Variants in INTS6 observed in about 807,000 individuals in gnomAD.
INTS6 encodes the protein DEAD box protein.
A neutral mutation model predicts 104.9 loss-of-function variants in INTS6; 16 were observed. That is an observed-to-expected ratio of 0.15 (90% CI 0.10 to 0.23). The LOEUF is 0.23. INTS6 is among the 10% of genes least tolerant of loss of function. The pLI is 1.00. For missense variants in INTS6, 584 were observed against 1,062.8 expected, an observed-to-expected ratio of 0.55 and a Z score of 6.26; for synonymous variants, 324 against 358.7, an observed-to-expected ratio of 0.90 and a Z score of 1.09.
chr13:51,388,233 C>A (rs1470402700), intron 6 of INTS6, among the ~76,000 whole-genome samples: 1 of 152,112 alleles, frequency 6.6e-6, no homozygotes, highest in Non-Finnish European at 1.5e-5. Context: ...ATCACCCATT[C>A]CTTCCCTATA....
intron 13 of INTS6, 40 bp from the exon 14 acceptor site, chr13:51,374,836 A>T (rs1955885408): frequency 6.2e-7 from 1 of 1,602,302 alleles, no homozygotes; most frequent in Non-Finnish European, 8.5e-7. Flanking sequence ...GTTAACCTCC[A>T]ATTAGTTCTC....
At chr13:51,438,264 A>G (rs998471726) in intron 3 of INTS6, 6 of 152,118 alleles carry the variant, frequency 3.9e-5, no homozygotes, top group African/African-American at 1.4e-4. Flanking sequence ...CACCTTCCCA[A>G]GTGTTTATAG....
At chr13:51,449,901 G>A in intron 3 of INTS6, 1 of 985,010 alleles carries the variant, frequency 1.0e-6, no homozygotes, top group Non-Finnish European at 1.2e-6. Context: ...AATTTGGTAA[G>A]CTCACTCTGA....
Position 51,451,935 on chromosome 13 carries a change from CAGGGA to C in INTS6, c.189+38_189+42del, listed in dbSNP as rs768572226. The C allele has an allele frequency of 3.4e-5, 51 of 1,482,706 alleles. No homozygotes were observed. In the East Asian group the frequency reaches 6.2e-4, roughly 18 times the overall value. The allele number at this position is 1,482,706 out of a possible 1,614,324, so 91.8% of individuals were successfully genotyped here. A position where few individuals can be genotyped will look rare whatever the true frequency, so the allele number is the denominator to read the frequency against. On this transcript the variant is annotated intron_variant, in intron 2 of 17. Transcript: ENST00000311234. Reference sequence around the variant, plus strand: ...GCGGGGAGGGCGAGCGAGGAAGGAACAGGGAAGGGAAGGGAGGAAAGGGGGAGGGC... The same window carrying C: ...GCGGGGAGGGCGAGCGAGGAAGGAACAGGGAAGGGAGGAAAGGGGGAGGGC...
At chr13:51,444,865 T>C (rs1278044975) in intron 3 of INTS6, 3 of 151,318 alleles carry the variant, frequency 2.0e-5, no homozygotes, top group Admixed American at 1.3e-4. Context: ...TTTTAGAGTA[T>C]AAAATTCTGA....
At chr13:51,411,386 C>T (rs1166410678) in intron 4 of INTS6, among the ~76,000 whole-genome samples, 2 of 151,252 alleles carry the variant, frequency 1.3e-5, no homozygotes, top group African/African-American at 4.9e-5. Flanking sequence ...AAACCCGTCT[C>T]TACTAAAAAT....
chr13:51,342,545 G>C, the INTS6 span, among the ~76,000 whole-genome samples: 1 of 152,172 alleles, frequency 6.6e-6, no homozygotes, highest in African/African-American at 2.4e-5. Context: ...TGTTCTTCCT[G>C]TGTGCAAATG....
rs201223923 is a variant in INTS6 at position 51,367,943 on chromosome 13, T to A, written c.2477-45A>T. 6.0e-6 allele frequency: 6 copies of A among 1,000,810 alleles called. No individual in the cohort carries two copies. The East Asian group carries it at 1.6e-4, about 26-fold the overall frequency. 62.0% of individuals were successfully genotyped at this position (1,000,810 alleles called of 1,614,324 possible). On this transcript the variant is annotated intron_variant, in intron 16 of 17. Coordinates refer to ENST00000311234, the MANE Select transcript of INTS6 (RefSeq NM_012141.3). Reference sequence around the variant, plus strand: ...AAAGAAAAATTAAGTGCCTTTCATTTGTATTCTTATTCAATATTCTTCTTT... The same window carrying A: ...AAAGAAAAATTAAGTGCCTTTCATTAGTATTCTTATTCAATATTCTTCTTT...
At position 51,450,263 on chromosome 13, in the gene INTS6, T is replaced by C. The variant is rs1412368935; in HGVS notation, c.339+762A>G. Reference sequence around the variant, plus strand: ...ATCTTTTATTTCCAGGGCAATAATATCATAAAATGTTACAATAGACCACCT... The same window carrying C: ...ATCTTTTATTTCCAGGGCAATAATACCATAAAATGTTACAATAGACCACCT... On this transcript the variant is annotated intron_variant, in intron 3 of 17. Coordinates refer to ENST00000311234, the MANE Select transcript of INTS6 (RefSeq NM_012141.3). The C allele has an allele frequency of 7.2e-6, 7 of 967,594 alleles. No individual in the cohort carries two copies. The Admixed American group carries it at 1.9e-4, about 26-fold the overall frequency. The allele number at this position is 967,594 out of a possible 1,614,324, so 59.9% of individuals were successfully genotyped here.
intron 2 of INTS6, 64 bp from the exon 3 acceptor site, chr13:51,451,238 T>C: frequency 7.6e-7 from 1 of 1,317,862 alleles, no homozygotes; most frequent in Non-Finnish European, 1.0e-6. Context: ...AGAGCCGTTA[T>C]AATCTGACGT....
Position 51,376,041 on chromosome 13 carries a change from T to C in INTS6, c.1729+7A>G, listed in dbSNP as rs767763889. The C allele has an allele frequency of 1.8e-5, 29 of 1,601,386 alleles. No individual in the cohort carries two copies. The South Asian group carries it at 3.0e-4, about 16-fold the overall frequency. ...TAAAAATACCAGTATTGAAACTATG[T>C]TCTAACCTTCGTCCTGTCCTTTCAG... On this transcript the variant is annotated splice_region_variant and intron_variant, in intron 13 of 17. Coordinates refer to ENST00000311234, the MANE Select transcript of INTS6 (RefSeq NM_012141.3).
chr13:51,351,398 A>G (rs9563047), downstream of INTS6, among the ~76,000 whole-genome samples: 3,817 of 152,212 alleles, frequency 0.025, 62 homozygotes, highest in South Asian at 0.056. Context: ...CCTAATGACT[A>G]ATGAGGTAGA....
the INTS6 span, chr13:51,348,244 G>A: frequency 1.2e-6 from 2 of 1,601,610 alleles, no homozygotes; most frequent in Non-Finnish European, 1.7e-6. Context: ...GCCATCAGGT[G>A]GGGGTGCTGG....
rs1019082521 is a variant in INTS6 at position 51,403,196 on chromosome 13, A to G, written c.430-7713T>C. 3.9e-5 allele frequency among the ~76,000 whole-genome samples: 6 copies of G among 152,222 alleles called. No homozygotes were observed. The East Asian group carries it at 1.2e-3, about 29-fold the overall frequency. The stretch of plus-strand genomic sequence containing the variant: ...TTTTTAAAACATCTTCAACTCAGGA[A>G]TCTAAACAGATGTCTCCTAGCATAC... On this transcript the variant is annotated intron_variant, in intron 4 of 17. Coordinates refer to ENST00000311234, the MANE Select transcript of INTS6 (RefSeq NM_012141.3).
At chr13:51,439,177 T>C (rs759111583) in intron 3 of INTS6, 2 of 152,210 alleles carry the variant, frequency 1.3e-5, no homozygotes, top group African/African-American at 2.4e-5. Context: ...TCAGAACTGT[T>C]ATCATGTCCC....
At chr13:51,347,221 C>G in the INTS6 span, 9 of 1,613,618 alleles carry the variant, frequency 5.6e-6, no homozygotes, top group Non-Finnish European at 7.6e-6. Context: ...ACCAAACGAC[C>G]GAGGTCAACT....
the INTS6 span, chr13:51,341,370 C>T: frequency 6.4e-7 from 1 of 1,558,138 alleles, no homozygotes; most frequent in Non-Finnish European, 8.7e-7. Context: ...CCCACGTGCA[C>T]ACTCACTTAC....
chr13:51,342,287 C>A, the INTS6 span, among the ~76,000 whole-genome samples: 1 of 152,020 alleles, frequency 6.6e-6, no homozygotes, highest in African/African-American at 2.4e-5. Context: ...CCATTCTTCA[C>A]CCTGTGGGTG....
At chr13:51,378,833 A>G (rs1384999028) in intron 11 of INTS6, among the ~76,000 whole-genome samples, 1 of 152,110 alleles carries the variant, frequency 6.6e-6, no homozygotes, top group East Asian at 1.9e-4. Context: ...CATTTTTACT[A>G]GCACATCAAT....
Sources: gnomAD v4.1 joint callset for allele counts (sites outside exome capture counted in the v4.1 genomes callset) on GRCh38, gnomAD v4.1.1 for gene constraint, MANE v1.5 for transcripts, NCBI Gene and HGNC (gene_info 2026-07-23, HGNC 2026-07-21) for gene names.